Variants in ESRRG observed in about 807,000 individuals in gnomAD.
The protein encoded by ESRRG is estrogen related receptor gamma, also known as estrogen-related receptor gamma.
ESRRG carries 13 observed loss-of-function variants against 44.0 expected under a neutral mutation model. That is an observed-to-expected ratio of 0.30 (90% CI 0.19 to 0.47). The LOEUF (loss-of-function observed/expected upper bound fraction) is 0.47, where lower values mean the gene tolerates loss of function less well. ESRRG is among the 20% of genes least tolerant of loss of function. The pLI is 1.00. For synonymous variants in ESRRG, 215 were observed against 214.6 expected (o/e 1.00, Z -0.02); for missense variants, 395 against 580.6 (o/e 0.68, Z 3.29).
At chr1:216,980,643 A>G (rs1015203228) in intron 1 of ESRRG, among the ~76,000 whole-genome samples, 1 of 151,996 alleles carries the variant, frequency 6.6e-6, no homozygotes, top group Non-Finnish European at 1.5e-5. Context: ...ACCCATTTCA[A>G]TTCAACTTCC....
At chr1:216,805,720 CTG>C (rs1273291996) in intron 2 of ESRRG, among the ~76,000 whole-genome samples, 2 of 150,140 alleles carry the variant, frequency 1.3e-5, no homozygotes, top group African/African-American at 4.9e-5. Flanking sequence ...TGTTAGAACA[CTG>C]TTTTGTAATT....
chr1:217,083,452 C>T (rs1037224733), intron 1 of ESRRG, among the ~76,000 whole-genome samples: 1 of 152,178 alleles, frequency 6.6e-6, no homozygotes. Flanking sequence ...ATGCACTAAA[C>T]TCAGAATCGC....
chr1:216,521,827 T>A (rs1314909088), intron 5 of ESRRG, among the ~76,000 whole-genome samples: 2 of 152,110 alleles, frequency 1.3e-5, no homozygotes, highest in South Asian at 4.1e-4. Context: ...GCCTGATTAA[T>A]ACAAACGCTG....
At chr1:216,600,405 G>T (rs936030085) in intron 3 of ESRRG, among the ~76,000 whole-genome samples, 3 of 152,136 alleles carry the variant, frequency 2.0e-5, no homozygotes, top group African/African-American at 7.2e-5. Context: ...CAGTCTACTG[G>T]GAAATGTTGA....
At chr1:217,034,579 A>ACTGACATCT (rs1266354709) in intron 1 of ESRRG, among the ~76,000 whole-genome samples, 12 of 152,202 alleles carry the variant, frequency 7.9e-5, no homozygotes, top group African/African-American at 2.9e-4. Flanking sequence ...AGCACAGGGT[A>ACTGACATCT]CTGACATCTA....
chr1:216,519,083 G>T (rs76718635), intron 6 of ESRRG, 69 bp downstream of exon 6: 1 of 1,386,568 alleles, frequency 7.2e-7, no homozygotes, highest in Non-Finnish European at 1.0e-6. Flanking sequence ...AATCCCTAAA[G>T]AAGTTAAGGA....
At position 216,522,268 on chromosome 1, in the gene ESRRG, T is replaced by G. The variant is rs1427918686; in HGVS notation, c.863-2847A>C. Among the ~76,000 whole-genome samples the G allele has an allele frequency of 2.8e-5, 4 of 142,770 alleles. No homozygotes were observed. The East Asian group carries it at 8.3e-4, about 30-fold the overall frequency. The allele number at this position is 142,770 out of a possible 152,430, so 93.7% of individuals were successfully genotyped here. On this transcript the variant is annotated intron_variant, in intron 5 of 6. Coordinates refer to ENST00000408911, the MANE Select transcript of ESRRG (RefSeq NM_001438.4). ...GAAACAGCTCTCCTTTTTTTTTTTT[T>G]TTTTTTTTTTTTTTTTGGTGAGGGA...
At chr1:216,658,935 A>T in intron 2 of ESRRG, among the ~76,000 whole-genome samples, 1 of 149,778 alleles carries the variant, frequency 6.7e-6, no homozygotes, top group African/African-American at 2.5e-5. Flanking sequence ...AAAGAAAAGA[A>T]AAGTAGAGAA....
chr1:216,687,515 C>T (rs762589493), intron 1 of ESRRG, among the ~76,000 whole-genome samples: 2 of 152,064 alleles, frequency 1.3e-5, no homozygotes, highest in Non-Finnish European at 2.9e-5. Flanking sequence ...CTTGATATGT[C>T]GGAAGCCCAA....
chr1:216,956,669 G>T (rs1171073024), intron 1 of ESRRG, among the ~76,000 whole-genome samples: 1 of 152,140 alleles, frequency 6.6e-6, no homozygotes, highest in Non-Finnish European at 1.5e-5. Flanking sequence ...TTGTCTTGTG[G>T]TGATGCACTA....
chr1:216,764,572 G>C (rs538814851), intron 2 of ESRRG, among the ~76,000 whole-genome samples: 1 of 151,748 alleles, frequency 6.6e-6, no homozygotes, highest in African/African-American at 2.4e-5. Context: ...CCCGGCCCAG[G>C]GGGGGACTCT....
At chr1:216,608,052 C>A (rs2060161669) in intron 3 of ESRRG, among the ~76,000 whole-genome samples, 1 of 152,136 alleles carries the variant, frequency 6.6e-6, no homozygotes, top group Non-Finnish European at 1.5e-5. Context: ...TCATAGTAAT[C>A]ATTTCTTTCT....
upstream of ESRRG, among the ~76,000 whole-genome samples, chr1:217,092,326 G>A (rs141254220): frequency 3.6e-3 from 547 of 152,218 alleles, no homozygotes; most frequent in African/African-American, 0.01. Flanking sequence ...TAAGGTAGAC[G>A]GAAGATATAG....
intron 2 of ESRRG, among the ~76,000 whole-genome samples, chr1:216,745,209 A>G (rs2091253019): frequency 6.6e-6 from 1 of 151,918 alleles, no homozygotes; most frequent in Non-Finnish European, 1.5e-5. Flanking sequence ...CCCAGGCTGG[A>G]GTGCAGTGGC....
intron 1 of ESRRG, among the ~76,000 whole-genome samples, chr1:217,101,076 C>T (rs756681156): frequency 6.6e-6 from 1 of 152,194 alleles, no homozygotes; most frequent in Non-Finnish European, 1.5e-5. Context: ...AAAGTGTTGA[C>T]GGTTAGCCTA....
At chr1:216,615,103 A>G (rs2061236795) in intron 3 of ESRRG, among the ~76,000 whole-genome samples, 1 of 152,168 alleles carries the variant, frequency 6.6e-6, no homozygotes, top group South Asian at 2.1e-4. Context: ...TGATTCTCTT[A>G]TGCCTCCACT....
intron 2 of ESRRG, among the ~76,000 whole-genome samples, chr1:216,903,460 G>A (rs1174518994): frequency 1.3e-5 from 2 of 148,360 alleles, no homozygotes; most frequent in African/African-American, 5.0e-5. Context: ...TGTGTGTGTC[G>A]GGGGACTATG....
intron 1 of ESRRG, among the ~76,000 whole-genome samples, chr1:216,681,184 G>A (rs112518331): frequency 5.8e-4 from 88 of 152,258 alleles, no homozygotes; most frequent in African/African-American, 2.0e-3. Flanking sequence ...AGCAAGACCA[G>A]CTAACTAACT....
At chr1:216,586,811 A>G (rs1165253295) in intron 3 of ESRRG, among the ~76,000 whole-genome samples, 5 of 152,008 alleles carry the variant, frequency 3.3e-5, no homozygotes, top group Non-Finnish European at 7.4e-5. Flanking sequence ...TCGTGACCTC[A>G]AATGATCTGC....
Sources: allele counts gnomAD v4.1 joint callset (sites outside exome capture counted in the v4.1 genomes callset), GRCh38; gene constraint gnomAD v4.1.1; transcripts MANE v1.5; gene names NCBI Gene and HGNC (gene_info 2026-07-23, HGNC 2026-07-21).